Variants in ZNF300 observed in about 807,000 individuals in gnomAD.
The protein encoded by ZNF300 is zinc finger protein 300.
ZNF300 carries 6 observed loss-of-function variants against 13.9 expected under a neutral mutation model. The observed-to-expected ratio is 0.43, with a 90% CI of 0.24 to 0.85. The LOEUF is 0.85. Among genes scored for constraint, ZNF300 ranks in the 40% least tolerant of loss-of-function variants. ZNF300 has a pLI of 0.25. For synonymous variants in ZNF300, 237 were observed against 242.2 expected (o/e 0.98, Z 0.20); for missense variants, 662 against 714.2 (o/e 0.93, Z 0.83).
At position 150,895,387 on chromosome 5, in the gene ZNF300, C is replaced by T; in HGVS notation, c.*37G>A. ...ATTGGGTTTCTAGTAATTATTAAGG[C>T]TTGAGCTAATACTAAGGCTTTTCTG... On this transcript the variant is annotated 3_prime_UTR_variant, in exon 6 of 6. Transcript: ENST00000274599. 10 of 1,459,586 alleles carry T rather than the reference C, an allele frequency of 6.9e-6. No individual in the cohort carries two copies. The highest frequency in any genetic ancestry group is 9.2e-6 in the Non-Finnish European group (10 of 1,082,816). 90.4% of individuals were successfully genotyped at this position (1,459,586 alleles called of 1,614,324 possible).
In ZNF300 at chr5:150,903,181, G is replaced by A. The variant is rs1301945368; in HGVS notation, c.-26C>T. The A allele has an allele frequency of 1.2e-6, 2 of 1,613,460 alleles. No individual in the cohort carries two copies. Among genetic ancestry groups the A allele is most frequent in the Non-Finnish European group, 8.5e-7 (1 of 1,179,848 alleles). On this transcript the variant is annotated splice_region_variant and 5_prime_UTR_variant, in exon 3 of 6. Transcript: ENST00000274599. ...TTTTTGCTCTTCCAAAAGGCCAGAT[G>A]ACTGAAAAAGCAAAACTGGTGATCA...
chr5:150,897,920 C>A, intron 5 of ZNF300, 142 bp downstream of exon 5: 1 of 930,416 alleles, frequency 1.1e-6, no homozygotes, highest in Non-Finnish European at 1.6e-6. Flanking sequence ...AATAGAACTC[C>A]TCTGAAAGGC....
Position 150,903,233 on chromosome 5 carries a change from A to C in ZNF300, c.-27-51T>G, listed in dbSNP as rs1755045133. The C allele has an allele frequency of 2.5e-6, 4 of 1,612,932 alleles. No homozygotes were observed. In the South Asian group the frequency reaches 4.4e-5, roughly 18 times the overall value. On this transcript the variant is annotated intron_variant, in intron 2 of 5. Transcript: ENST00000274599. ...AATGTTTTTCATAGTCCAAACCCAGACTGCAGCTTTCACATTCACCAATCT... is the reference window on the plus strand; with the variant it reads ...AATGTTTTTCATAGTCCAAACCCAGCCTGCAGCTTTCACATTCACCAATCT...
chr5:150,904,242 C>CA (rs149934741), intron 1 of ZNF300, among the ~76,000 whole-genome samples: 5,988 of 152,178 alleles, frequency 0.039, 180 homozygotes, highest in East Asian at 0.16. Flanking sequence ...TTTAAGAACT[C>CA]AAACAGTTGC....
chr5:150,895,554 G>A lies in ZNF300; in HGVS notation c.1685C>T (p.Ser562Leu), dbSNP rs1223679898. 3.1e-6 allele frequency: 5 copies of A among 1,613,418 alleles called. No homozygotes were observed. The highest frequency in any genetic ancestry group is 1.7e-5 in the Admixed American group (1 of 59,810). The part of the protein sequence containing the change: ...AECGKAFSQK[S>L]DLVLHQRIHT... ...AATCCTCTGATGTAAAACAAGGTCTGACTTCTGAGAAAAGGCCTTTCCACA... is the reference window on the plus strand; with the variant it reads ...AATCCTCTGATGTAAAACAAGGTCTAACTTCTGAGAAAAGGCCTTTCCACA... Residue 562 changes from serine to leucine, a missense_variant, in exon 6 of 6, where the codon TCA becomes TTA. Transcript: ENST00000274599.
Position 150,896,206 on chromosome 5 carries a change from T to C in ZNF300, c.1033A>G (p.Arg345Gly). Residue 345 changes from arginine to glycine, a missense_variant, in exon 6 of 6, where the codon AGA (arginine) becomes GGA (glycine). By Grantham distance (125) the Arg-to-Gly change is moderately radical. Transcript: ENST00000274599. ...TAGGGTTTTTCCCCAGTGTGAACTC[T>C]CTGATGTATAATAAGGGACGATTTC... is the stretch of plus-strand genomic sequence containing the variant. Reference protein sequence around the residue: ...SQKSSLIIHQRVHTGEKPYEC... With the variant: ...SQKSSLIIHQGVHTGEKPYEC... 1 of 1,613,622 alleles carries C rather than the reference T, an allele frequency of 6.2e-7. No homozygotes were observed.
In ZNF300 at chr5:150,894,463, A is replaced by T. The variant is rs542443834; in HGVS notation, c.*961T>A. On this transcript the variant is annotated 3_prime_UTR_variant, in exon 6 of 6. Transcript: ENST00000274599. ...ATAAATCCAAGTATTAAAAAACACA[A>T]CCTTAACATAGCAAAAATAAGGCCA... 1 of 152,306 alleles carries T rather than the reference A, an allele frequency of 6.6e-6. No individual in the cohort carries two copies. The highest frequency in any genetic ancestry group is 2.1e-4 in the South Asian group (1 of 4,824). 9.4% of individuals were successfully genotyped at this position (152,306 alleles called of 1,614,324 possible).
chr5:150,904,425 G>C (rs1441297927), intron 1 of ZNF300, among the ~76,000 whole-genome samples: 1 of 151,454 alleles, frequency 6.6e-6, no homozygotes, highest in East Asian at 1.9e-4. Flanking sequence ...TGAACACATG[G>C]ACGCCCCCAT....
rs550871589 is a variant in ZNF300 at position 150,896,336 on chromosome 5, T to G, written c.903A>C (p.Ala301=). 4.3e-6 allele frequency: 7 copies of G among 1,613,662 alleles called. No homozygotes were observed. The East Asian group carries it at 1.6e-4, about 36-fold the overall frequency. The change falls in exon 6 of 6, where the codon GCA becomes GCC. Residue 301 remains alanine (A), a synonymous_variant. Coordinates refer to ENST00000274599, the MANE Select transcript of ZNF300 (RefSeq NM_052860.4). ...HTGKKPYDCG[A]CGKAFSEKFH... The stretch of plus-strand genomic sequence containing the variant: ...ACTTCTCACTGAAGGCTTTTCCGCA[T>G]GCACCACAATCATATGGTTTCTTTC...
At chr5:150,899,701 GAGT>G (rs1754926823) in intron 3 of ZNF300, among the ~76,000 whole-genome samples, 1 of 152,068 alleles carries the variant, frequency 6.6e-6, no homozygotes, top group Non-Finnish European at 1.5e-5. Context: ...ATTTGGGTAA[GAGT>G]AGAGTTATAA....
chr5:150,903,009 GA>G, intron 3 of ZNF300, 131 bp downstream of exon 3: 2 of 926,216 alleles, frequency 2.2e-6, no homozygotes. Context: ...ATATTACCTA[GA>G]AACTCTTTCG....
At position 150,895,722 on chromosome 5, in the gene ZNF300, G is replaced by C. The variant is rs894551355; in HGVS notation, c.1517C>G (p.Ser506Ter). ...SECGKAFCQK[S>*]HLIGHQRIHT... Reference sequence around the variant, plus strand: ...AATTCTCTGATGTCCAATGAGATGTGACTTCTGGCAGAAGGCTTTGCCACA... The same window carrying C: ...AATTCTCTGATGTCCAATGAGATGTCACTTCTGGCAGAAGGCTTTGCCACA... The change falls in exon 6 of 6, where the codon TCA becomes TGA. Residue 506 changes from serine to a stop codon, truncating the protein, a stop_gained. Coordinates refer to ENST00000274599, the MANE Select transcript of ZNF300 (RefSeq NM_052860.4). LOFTEE classifies it low-confidence loss of function (END_TRUNC). The C allele has an allele frequency of 1.2e-6, 2 of 1,613,544 alleles. No homozygotes were observed. The highest frequency in any genetic ancestry group is 2.7e-5 in the African/African-American group (2 of 74,894).
rs1049627230 is a variant in ZNF300, at chr5:150,898,880, G to A, written c.16-326C>T. On this transcript the variant is annotated intron_variant, in intron 3 of 5. Coordinates refer to ENST00000274599, the MANE Select transcript of ZNF300 (RefSeq NM_052860.4). The stretch of plus-strand genomic sequence containing the variant: ...ATGCTGAAGAAATATTATGGGTTGA[G>A]TTGTATCTCCTGAATATTTATATGT... Among the ~76,000 whole-genome samples the A allele has an allele frequency of 2.0e-5, 3 of 152,084 alleles. No individual in the cohort carries two copies. The East Asian group carries it at 5.8e-4, about 30-fold the overall frequency.
chr5:150,896,202 A>G lies in ZNF300; in HGVS notation c.1037T>C (p.Val346Ala). Reference sequence around the variant, plus strand: ...TTCATAGGGTTTTTCCCCAGTGTGAACTCTCTGATGTATAATAAGGGACGA... The same window carrying G: ...TTCATAGGGTTTTTCCCCAGTGTGAGCTCTCTGATGTATAATAAGGGACGA... ...QKSSLIIHQR[V>A]HTGEKPYECS... is the part of the protein sequence containing the mutation. The change falls in exon 6 of 6, where the codon GTT becomes GCT. Residue 346 changes from valine to alanine, a missense_variant. Coordinates refer to ENST00000274599, the MANE Select transcript of ZNF300 (RefSeq NM_052860.4). The G allele has an allele frequency of 6.2e-7, 1 of 1,613,372 alleles. No homozygotes were observed. Among genetic ancestry groups the G allele is most frequent in the Non-Finnish European group, 8.5e-7 (1 of 1,179,736 alleles).
chr5:150,896,483 A>G lies in ZNF300; in HGVS notation c.756T>C (p.Asn252=). Reference sequence around the variant, plus strand: ...TCTGATATTGAATAAGGGATTGTGTATTTCTAAAAACGTTTCCACACTGAT... The same window carrying G: ...TCTGATATTGAATAAGGGATTGTGTGTTTCTAAAAACGTTTCCACACTGAT... ...DDNQCGNVFR[N]TQSLIQYQNV... The change falls in exon 6 of 6, where the codon AAT becomes AAC. Residue 252 remains asparagine, a synonymous_variant. Coordinates refer to ENST00000274599, the MANE Select transcript of ZNF300 (RefSeq NM_052860.4). The G allele has an allele frequency of 1.9e-6, 3 of 1,613,404 alleles. No homozygotes were observed. Among genetic ancestry groups the G allele is most frequent in the Non-Finnish European group, 1.7e-6 (2 of 1,179,738 alleles).
At position 150,894,730 on chromosome 5, in the gene ZNF300, C is replaced by T. The variant is rs142316443; in HGVS notation, c.*694G>A. ...AGAAGTATGTTTGCCTAAAGTCACA[C>T]AATCTGTGAGGCACTGAGCCAGGAT... is the stretch of plus-strand genomic sequence containing the variant. On this transcript the variant is annotated 3_prime_UTR_variant, in exon 6 of 6. Coordinates refer to ENST00000274599, the MANE Select transcript of ZNF300 (RefSeq NM_052860.4). The T allele has an allele frequency of 4.2e-3, 635 of 152,402 alleles. 2 individuals are homozygous for T. The highest frequency in any genetic ancestry group is 7.8e-3 in the Non-Finnish European group (528 of 68,008). 9.4% of individuals were successfully genotyped at this position (152,402 alleles called of 1,614,324 possible).
intron 3 of ZNF300, among the ~76,000 whole-genome samples, 175 bp downstream of exon 3, chr5:150,902,966 T>C (rs578071261): frequency 6.6e-6 from 1 of 152,352 alleles, no homozygotes; most frequent in South Asian, 2.1e-4. Context: ...AGTACATTAA[T>C]TTATAAAAAT....
intron 3 of ZNF300, among the ~76,000 whole-genome samples, chr5:150,899,194 A>C (rs1257146410): frequency 1.3e-5 from 2 of 152,142 alleles, no homozygotes; most frequent in African/African-American, 2.4e-5. Context: ...CAGAACTATG[A>C]GACTAAATTT....
chr5:150,900,069 T>C (rs1349739289), intron 3 of ZNF300, among the ~76,000 whole-genome samples: 1 of 152,084 alleles, frequency 6.6e-6, no homozygotes, highest in African/African-American at 2.4e-5. Flanking sequence ...AATTTTCCTA[T>C]TGTACATATA....
Sources: allele counts gnomAD v4.1 joint callset (sites outside exome capture counted in the v4.1 genomes callset), GRCh38; gene constraint gnomAD v4.1.1; transcripts MANE v1.5; gene names NCBI Gene and HGNC (gene_info 2026-07-23, HGNC 2026-07-21).